Variants in GALNT2 observed in about 807,000 individuals in gnomAD.
GALNT2 encodes the protein UDP-GalNAc:polypeptide N-acetylgalactosaminyltransferase 2.
Under a neutral mutation model 81.4 loss-of-function variants are expected in GALNT2, and 31 were observed. That is an observed-to-expected ratio of 0.38 (90% CI 0.29 to 0.51). The LOEUF is 0.51. Among genes scored for constraint, GALNT2 ranks in the 20% least tolerant of loss-of-function variants. The probability of loss-of-function intolerance (pLI) is 0.87; values close to 1 mark genes in which losing one functional copy is unlikely to be tolerated. For missense variants in GALNT2, 629 were observed against 765.7 expected (o/e 0.82, Z 2.11); for synonymous variants, 303 against 287.4 (o/e 1.05, Z -0.55).
chr1:230,145,471 C>G (rs938857712), intron 1 of GALNT2, among the ~76,000 whole-genome samples: 1 of 152,246 alleles, frequency 6.6e-6, no homozygotes, highest in Non-Finnish European at 1.5e-5. Context: ...CCCCATTTCC[C>G]TCTGTTTTTG....
chr1:230,182,030 T>C (rs1663175629), intron 2 of GALNT2, among the ~76,000 whole-genome samples: 1 of 152,238 alleles, frequency 6.6e-6, no homozygotes, highest in African/African-American at 2.4e-5. Flanking sequence ...GGAATAGAGT[T>C]GTTCATACTA....
chr1:230,279,531 T>G lies in GALNT2; in HGVS notation c.*73T>G. Reference sequence around the variant, plus strand: ...AGTCTGGTGATCACATTATTGATTATGTTTCTTAAACTTTCCGCGAAACTA... The same window carrying G: ...AGTCTGGTGATCACATTATTGATTAGGTTTCTTAAACTTTCCGCGAAACTA... On this transcript the variant is annotated 3_prime_UTR_variant, in exon 16 of 16. Coordinates refer to ENST00000366672, the MANE Select transcript of GALNT2 (RefSeq NM_004481.5). The surrounding 1 kb of genome is among the most constrained non-coding windows in gnomAD (Gnocchi z 4.6). 1 of 1,539,178 alleles carries G rather than the reference T, an allele frequency of 6.5e-7. No individual in the cohort carries two copies. Among genetic ancestry groups the G allele is most frequent in the Non-Finnish European group, 8.8e-7 (1 of 1,137,424 alleles).
chr1:230,167,124 A>G (rs770423133), intron 1 of GALNT2, among the ~76,000 whole-genome samples: 7 of 151,956 alleles, frequency 4.6e-5, no homozygotes, highest in Non-Finnish European at 1.0e-4. Flanking sequence ...GCTCTTCAAA[A>G]CAGAGTCAAG....
At chr1:230,096,745 G>A (rs1186781075) in intron 1 of GALNT2, among the ~76,000 whole-genome samples, 3 of 152,058 alleles carry the variant, frequency 2.0e-5, no homozygotes, top group African/African-American at 7.2e-5. Context: ...GAATTAGTTT[G>A]GTCTGAATTA....
At chr1:230,214,853 C>G (rs80188417) in intron 3 of GALNT2, among the ~76,000 whole-genome samples, 1,960 of 152,258 alleles carry the variant, frequency 0.013, 17 homozygotes, top group Non-Finnish European at 0.018. Context: ...GGATATATTT[C>G]TGTTGGCCTG....
chr1:230,219,116 G>A (rs561041768), intron 3 of GALNT2, among the ~76,000 whole-genome samples: 2 of 152,336 alleles, frequency 1.3e-5, no homozygotes, highest in East Asian at 1.9e-4. Flanking sequence ...TGCCAAAAAG[G>A]TTGGGGACCG....
intron 1 of GALNT2, among the ~76,000 whole-genome samples, chr1:230,104,396 CAA>C (rs1660481061): frequency 6.6e-6 from 1 of 152,274 alleles, no homozygotes; most frequent in East Asian, 1.9e-4. Flanking sequence ...TGGTGGGCCT[CAA>C]AGAGAGGCGG....
chr1:230,122,958 G>A (rs1248024892), intron 1 of GALNT2, among the ~76,000 whole-genome samples: 1 of 152,160 alleles, frequency 6.6e-6, no homozygotes, highest in Admixed American at 6.5e-5. Context: ...CTTGCTTGGG[G>A]CTACATTGAG....
chr1:230,175,286 G>A (rs1343782982), intron 1 of GALNT2, among the ~76,000 whole-genome samples: 1 of 152,146 alleles, frequency 6.6e-6, no homozygotes, highest in Non-Finnish European at 1.5e-5. Context: ...GTTGAGGGAG[G>A]GAGGAAGCTA....
intron 1 of GALNT2, among the ~76,000 whole-genome samples, chr1:230,152,702 TCTC>T (rs1229576306): frequency 1.3e-5 from 2 of 152,156 alleles, no homozygotes; most frequent in African/African-American, 2.4e-5. Context: ...AGATAATCCT[TCTC>T]CTACACAGAC....
At chr1:230,089,749 C>T (rs543965626) in intron 1 of GALNT2, among the ~76,000 whole-genome samples, 46 of 152,302 alleles carry the variant, frequency 3.0e-4, no homozygotes, top group African/African-American at 1.1e-3. Context: ...GATTTCCTTT[C>T]TTTTTAAAGC....
rs749085480 is a variant in GALNT2, at chr1:230,236,129, C to T, written c.473+17C>T. The T allele has an allele frequency of 2.5e-6, 4 of 1,608,456 alleles. No homozygotes were observed. In the South Asian group the frequency reaches 4.4e-5, roughly 18 times the overall value. On this transcript the variant is annotated intron_variant, in intron 4 of 15. Coordinates refer to ENST00000366672, the MANE Select transcript of GALNT2 (RefSeq NM_004481.5). Reference sequence around the variant, plus strand: ...CGTGGTCAGGTGAGGCCAGGAGATGCATTACCTGTCAGGGGTGTTAAGACA... The same window carrying T: ...CGTGGTCAGGTGAGGCCAGGAGATGTATTACCTGTCAGGGGTGTTAAGACA...
intron 1 of GALNT2, among the ~76,000 whole-genome samples, chr1:230,083,109 G>GA (rs537376313): frequency 8.2e-5 from 12 of 145,982 alleles, no homozygotes; most frequent in East Asian, 4.3e-4. Flanking sequence ...ATGGAGCAGG[G>GA]AGCCAGGATG....
chr1:230,098,658 A>G (rs1205823052), intron 1 of GALNT2, among the ~76,000 whole-genome samples: 1 of 152,098 alleles, frequency 6.6e-6, no homozygotes, highest in Non-Finnish European at 1.5e-5. Flanking sequence ...AGGGATACGT[A>G]GGACAATTGA....
At position 230,236,083 on chromosome 1, in the gene GALNT2, C is replaced by T. The variant is rs1665019378; in HGVS notation, c.444C>T (p.Ala148=). Residue 148 remains alanine, a synonymous_variant, in exon 4 of 16, where the codon GCC becomes GCT. Transcript: ENST00000366672. ...TGGTGATCACGTTTCACAATGAAGCCAGGTCGGCCCTACTCAGGACCGTGG... is the reference window on the plus strand; with the variant it reads ...TGGTGATCACGTTTCACAATGAAGCTAGGTCGGCCCTACTCAGGACCGTGG... The part of the protein sequence containing the change: ...TSVVITFHNE[A]RSALLRTVVS... 1.2e-6 allele frequency: 2 copies of T among 1,614,040 alleles called. No homozygotes were observed. The highest frequency in any genetic ancestry group is 1.7e-6 in the Non-Finnish European group (2 of 1,180,018).
chr1:230,100,430 A>T (rs1171693683), intron 1 of GALNT2, among the ~76,000 whole-genome samples: 3 of 144,478 alleles, frequency 2.1e-5, no homozygotes, highest in African/African-American at 7.7e-5. Context: ...GGTTCAAGTG[A>T]TTCTCCTGCC....
chr1:230,200,800 G>A (rs1398298110), intron 2 of GALNT2, among the ~76,000 whole-genome samples: 1 of 152,202 alleles, frequency 6.6e-6, no homozygotes, highest in Non-Finnish European at 1.5e-5. Flanking sequence ...CCTCTCTCGG[G>A]TGGTGGTCTC....
At chr1:230,251,988 G>A (rs959818957) in intron 10 of GALNT2, among the ~76,000 whole-genome samples, 5 of 152,058 alleles carry the variant, frequency 3.3e-5, no homozygotes, top group African/African-American at 9.7e-5. Context: ...GGGTCTGAGC[G>A]GTTCAGGTTG....
At chr1:230,082,234 T>C (rs966116002) in intron 1 of GALNT2, among the ~76,000 whole-genome samples, 2 of 152,240 alleles carry the variant, frequency 1.3e-5, no homozygotes, top group Admixed American at 6.5e-5. Flanking sequence ...TTGTGTAAGG[T>C]GAAGCTGTGG....
Sources: gnomAD v4.1 joint callset for allele counts (sites outside exome capture counted in the v4.1 genomes callset) on GRCh38, gnomAD v4.1.1 for gene constraint, Gnocchi (gnomAD v3.1) non-coding constraint, MANE v1.5 for transcripts, NCBI Gene and HGNC (gene_info 2026-07-23, HGNC 2026-07-21) for gene names.